Variants in VRK2 observed in about 807,000 individuals in gnomAD.
VRK2 encodes the protein VRK serine/threonine kinase 2.
VRK2 carries 60 observed loss-of-function variants against 57.6 expected under a neutral mutation model. The observed-to-expected ratio is 1.04, with a 90% CI of 0.85 to 1.29. VRK2 has a LOEUF of 1.29. Ranked by LOEUF, VRK2 falls within the 50% of genes most tolerant of loss-of-function variation. The pLI, the probability that VRK2 is intolerant of heterozygous loss-of-function variation, is 0.00. For missense variants in VRK2, 705 were observed against 588.1 expected (o/e 1.20, Z -2.06); for synonymous variants, 231 against 199.2 (o/e 1.16, Z -1.35).
At chr2:58,044,885 TTTTGGTTGTTAAC>T (rs2103734526), upstream of VRK2, among the ~76,000 whole-genome samples, 1 of 152,254 alleles carries the variant, frequency 6.6e-6, no homozygotes, top group East Asian at 1.9e-4. Context: ...TTGGGGGATA[TTTTGGTTGTTAAC>T]TTGTGTGGGA....
chr2:57,988,130 TA>T (rs528875407), intron 1 of VRK2, among the ~76,000 whole-genome samples: 1 of 152,032 alleles, frequency 6.6e-6, no homozygotes, highest in African/African-American at 2.4e-5. Flanking sequence ...CAGGACTGTA[TA>T]AAAAAAGGGT....
At chr2:58,016,933 T>G (rs1390423916) in intron 1 of VRK2, among the ~76,000 whole-genome samples, 1 of 152,214 alleles carries the variant, frequency 6.6e-6, no homozygotes, top group Non-Finnish European at 1.5e-5. Context: ...TTACGGAGTC[T>G]GACATTTTGT....
intron 8 of VRK2, among the ~76,000 whole-genome samples, chr2:58,131,269 C>G (rs183699738): frequency 1.3e-5 from 2 of 149,592 alleles, no homozygotes; most frequent in Non-Finnish European, 3.0e-5. Flanking sequence ...TCAGAAAGAC[C>G]CTTTTTTTAA....
chr2:58,108,374 T>C (rs1261429669), intron 7 of VRK2, among the ~76,000 whole-genome samples: 1 of 152,316 alleles, frequency 6.6e-6, no homozygotes, highest in African/African-American at 2.4e-5. Context: ...TTCCTCCTTA[T>C]GATGCTGCCA....
At chr2:58,116,810 G>A (rs186186730) in intron 7 of VRK2, among the ~76,000 whole-genome samples, 138 of 152,330 alleles carry the variant, frequency 9.1e-4, no homozygotes, top group African/African-American at 2.6e-3. Context: ...GATGGGACAC[G>A]GCTTAGGAGG....
At chr2:57,962,595 C>T (rs1671795712) in intron 1 of VRK2, among the ~76,000 whole-genome samples, 1 of 152,012 alleles carries the variant, frequency 6.6e-6, no homozygotes, top group South Asian at 2.1e-4. Flanking sequence ...CAAGTAGGCC[C>T]CTGTGTCTCT....
intron 1 of VRK2, among the ~76,000 whole-genome samples, chr2:57,978,414 C>G (rs1672314935): frequency 6.6e-6 from 1 of 151,036 alleles, no homozygotes; most frequent in Non-Finnish European, 1.5e-5. Context: ...ATGTCCACTT[C>G]TAAGCCTTGA....
intron 7 of VRK2, among the ~76,000 whole-genome samples, chr2:58,106,651 G>A (rs955668755): frequency 6.6e-6 from 1 of 151,942 alleles, no homozygotes; most frequent in African/African-American, 2.4e-5. Context: ...TTTTCAGTTT[G>A]TAAATATGAA....
intron 1 of VRK2, among the ~76,000 whole-genome samples, chr2:58,003,388 C>G (rs1296032270): frequency 6.6e-6 from 1 of 151,888 alleles, no homozygotes; most frequent in African/African-American, 2.4e-5. Flanking sequence ...AAACACCTGG[C>G]TTTAGCACCA....
chr2:57,932,383 C>G (rs1452116105), intron 1 of VRK2, among the ~76,000 whole-genome samples: 1 of 152,092 alleles, frequency 6.6e-6, no homozygotes, highest in Non-Finnish European at 1.5e-5. Context: ...ACTCGTTATT[C>G]ATCTGTTCAG....
intron 2 of VRK2, among the ~76,000 whole-genome samples, chr2:58,056,556 C>T (rs888301879): frequency 6.6e-6 from 1 of 152,150 alleles, no homozygotes; most frequent in Non-Finnish European, 1.5e-5. Flanking sequence ...AGACCTTAAT[C>T]CAACCTGTTC....
intron 3 of VRK2, among the ~76,000 whole-genome samples, chr2:58,034,900 T>C (rs1674228158): frequency 6.6e-6 from 1 of 152,030 alleles, no homozygotes; most frequent in East Asian, 1.9e-4. Context: ...TGCCAGGTCA[T>C]TGCCCCATGA....
chr2:58,042,953 T>A (rs770110096), upstream of VRK2, among the ~76,000 whole-genome samples: 4 of 152,204 alleles, frequency 2.6e-5, no homozygotes, highest in East Asian at 5.8e-4. Flanking sequence ...GTTTTCATCT[T>A]GAAACATACA....
intron 11 of VRK2, among the ~76,000 whole-genome samples, chr2:58,142,149 A>G (rs943301465): frequency 2.6e-5 from 4 of 151,876 alleles, no homozygotes; most frequent in African/African-American, 9.7e-5. Flanking sequence ...TATTCAAGGG[A>G]AAAAAGTTGT....
chr2:58,029,162 T>C (rs1324739443), intron 2 of VRK2, among the ~76,000 whole-genome samples: 1 of 151,806 alleles, frequency 6.6e-6, no homozygotes, highest in African/African-American at 2.4e-5. Flanking sequence ...TTGAAAAGCC[T>C]AAAGAGTTCT....
At chr2:57,927,317 C>A (rs1367497967) in intron 1 of VRK2, among the ~76,000 whole-genome samples, 1 of 150,060 alleles carries the variant, frequency 6.7e-6, no homozygotes. Context: ...CGCTCTATCG[C>A]CCAGGCTGGA....
chr2:57,973,951 T>G (rs1572923972), intron 1 of VRK2, among the ~76,000 whole-genome samples: 1 of 151,726 alleles, frequency 6.6e-6, no homozygotes, highest in Non-Finnish European at 1.5e-5. Flanking sequence ...CACCTGAAAC[T>G]GTAAGATGAG....
chr2:57,935,654 C>G (rs1258873294), intron 1 of VRK2, among the ~76,000 whole-genome samples: 1 of 151,658 alleles, frequency 6.6e-6, no homozygotes, highest in East Asian at 1.9e-4. Context: ...CCTCTCTTCT[C>G]TGCTCTCATT....
At chr2:58,027,110 G>C (rs1673953819) in intron 2 of VRK2, among the ~76,000 whole-genome samples, 2 of 151,962 alleles carry the variant, frequency 1.3e-5, no homozygotes, top group South Asian at 2.1e-4. Flanking sequence ...AGTAGTAGTA[G>C]TGTTTTGTTC....
Sources: gnomAD v4.1 joint callset for allele counts (sites outside exome capture counted in the v4.1 genomes callset) on GRCh38, gnomAD v4.1.1 for gene constraint, MANE v1.5 for transcripts, NCBI Gene and HGNC (gene_info 2026-07-23, HGNC 2026-07-21) for gene names.